Variants in RMND5A observed in about 807,000 individuals in gnomAD.
RMND5A encodes E3 ubiquitin-protein transferase RMND5A.
Under a neutral mutation model 49.7 loss-of-function variants are expected in RMND5A, and 17 were observed. That is an observed-to-expected ratio of 0.34 (90% CI 0.23 to 0.51). The LOEUF is 0.51. RMND5A is among the 20% of genes least tolerant of loss of function. The pLI, the probability that RMND5A is intolerant of heterozygous loss-of-function variation, is 0.96. For missense variants in RMND5A, 255 were observed against 471.3 expected, an observed-to-expected ratio of 0.54 and a Z score of 4.25; for synonymous variants, 156 against 167.7, an observed-to-expected ratio of 0.93 and a Z score of 0.54.
chr2:86,745,688 G>A (rs562163172), intron 2 of RMND5A, among the ~76,000 whole-genome samples: 1 of 152,246 alleles, frequency 6.6e-6, no homozygotes, highest in Admixed American at 6.5e-5. Context: ...ATAGGTAGGA[G>A]GATAATAGCT....
chr2:86,760,974 G>GTGTGTA (rs1444474429), intron 4 of RMND5A, among the ~76,000 whole-genome samples: 2 of 145,694 alleles, frequency 1.4e-5, no homozygotes, highest in Admixed American at 1.4e-4. Context: ...AAGTGTGTGT[G>GTGTGTA]TGTGTGTGTG....
At chr2:86,721,432 T>G (rs989664232) in intron 1 of RMND5A, among the ~76,000 whole-genome samples, 1 of 151,928 alleles carries the variant, frequency 6.6e-6, no homozygotes, top group African/African-American at 2.4e-5. Context: ...CATGGTTCCT[T>G]GGAAACCAGC....
At chr2:86,770,190 T>G in intron 7 of RMND5A, 65 bp downstream of exon 7, 1 of 1,112,100 alleles carries the variant, frequency 9.0e-7, no homozygotes, top group East Asian at 2.4e-5. Flanking sequence ...CATCTTTAAA[T>G]GTTCATCTTA....
At chr2:86,749,458 C>T (rs952002150) in intron 2 of RMND5A, among the ~76,000 whole-genome samples, 1 of 151,352 alleles carries the variant, frequency 6.6e-6, no homozygotes, top group Non-Finnish European at 1.5e-5. Context: ...GGCGTGATCT[C>T]GGCTCACTGC....
At chr2:86,757,516 G>A (rs1303835282) in intron 4 of RMND5A, among the ~76,000 whole-genome samples, 2 of 152,180 alleles carry the variant, frequency 1.3e-5, no homozygotes, top group East Asian at 3.8e-4. Flanking sequence ...CTCTTCCATG[G>A]TGGCAGATAG....
rs974306998 is a variant in RMND5A, at chr2:86,774,091, A to C, written c.*680A>C. 6.6e-6 allele frequency: 1 copy of C among 152,632 alleles called. No homozygotes were observed. 9.5% of individuals were successfully genotyped at this position (152,632 alleles called of 1,614,324 possible). On this transcript the variant is annotated 3_prime_UTR_variant, in exon 9 of 9. Coordinates refer to ENST00000283632, the MANE Select transcript of RMND5A (RefSeq NM_022780.4). Reference sequence around the variant, plus strand: ...GAAGTCTTCCGTTAGCATAGAGTGGAAGGAGTACTATTGTTTGGTTGGGTT... The same window carrying C: ...GAAGTCTTCCGTTAGCATAGAGTGGCAGGAGTACTATTGTTTGGTTGGGTT...
chr2:86,771,797 A>C (rs1475771716), intron 8 of RMND5A, 85 bp downstream of exon 8: 1 of 1,126,524 alleles, frequency 8.9e-7, no homozygotes, highest in East Asian at 2.4e-5. Flanking sequence ...GAGGATTAAA[A>C]AAATGTAGCT....
In RMND5A at chr2:86,728,877, C is replaced by CT. The variant is rs1464335381; in HGVS notation, c.142+8068_142+8069insT. Among the ~76,000 whole-genome samples the CT allele has an allele frequency of 4.4e-4, 66 of 149,866 alleles. No homozygotes were observed. In the South Asian group the frequency reaches 5.1e-3, roughly 11 times the overall value. ...CAAGCGATTCCCCTGCCTCAGCCCC[C>CT]GAGTAGCTGCGATTACAGGCGCATG... is the stretch of plus-strand genomic sequence containing the variant. On this transcript the variant is annotated intron_variant, in intron 1 of 8. Coordinates refer to ENST00000283632, the MANE Select transcript of RMND5A (RefSeq NM_022780.4).
chr2:86,746,173 G>A (rs1426998967), intron 2 of RMND5A, among the ~76,000 whole-genome samples: 4 of 152,206 alleles, frequency 2.6e-5, no homozygotes, highest in African/African-American at 7.2e-5. Context: ...TGTGTGTTGG[G>A]TAGAGAGGGA....
At chr2:86,762,727 C>G (rs887966800) in intron 4 of RMND5A, among the ~76,000 whole-genome samples, 31 of 35,196 alleles carry the variant, frequency 8.8e-4, no homozygotes, top group Admixed American at 2.2e-3. Context: ...TCATATATAT[C>G]ATATATATCA....
chr2:86,742,735 A>G (rs1163834277), intron 2 of RMND5A, among the ~76,000 whole-genome samples: 1 of 151,390 alleles, frequency 6.6e-6, no homozygotes, highest in Non-Finnish European at 1.5e-5. Flanking sequence ...CTCAAAGTTC[A>G]GAGAGAACCC....
intron 6 of RMND5A, among the ~76,000 whole-genome samples, 170 bp downstream of exon 6, chr2:86,766,194 G>T (rs189428810): frequency 0.01 from 1,542 of 152,318 alleles, 46 homozygotes; most frequent in Admixed American, 0.063. Flanking sequence ...TTTTAGAGAA[G>T]CAGTTTTGAA....
In RMND5A at chr2:86,773,501, G is replaced by C; in HGVS notation, c.*90G>C. 1.2e-6 allele frequency: 1 copy of C among 823,552 alleles called. No individual in the cohort carries two copies. The highest frequency in any genetic ancestry group is 2.1e-6 in the Non-Finnish European group (1 of 481,272). The allele number at this position is 823,552 out of a possible 1,614,324, so 51.0% of individuals were successfully genotyped here. A position where few individuals can be genotyped will look rare whatever the true frequency, so the allele number is the denominator to read the frequency against. On this transcript the variant is annotated 3_prime_UTR_variant, in exon 9 of 9. Transcript: ENST00000283632. ...GTTCCATATAATGCAGCTAACCAAG[G>C]ACTCCTGTGTTTCTATAAGCTAATG...
Position 86,770,039 on chromosome 2 carries a change from G to GT in RMND5A, c.872dup (p.Ala292GlyfsTer7). 6.2e-7 allele frequency: 1 copy of GT among 1,613,798 alleles called. No individual in the cohort carries two copies. The highest frequency in any genetic ancestry group is 8.5e-7 in the Non-Finnish European group (1 of 1,179,758). ...CTCTCCCAGTTTCTCAGCAGGTTGTGTGGCGCTGCCAGCTTTAATTAACAT... is the reference window on the plus strand; with the variant it reads ...CTCTCCCAGTTTCTCAGCAGGTTGTGTTGGCGCTGCCAGCTTTAATTAACAT... On this transcript the variant is annotated frameshift_variant, in exon 7 of 9. Transcript: ENST00000283632. LOFTEE classifies it high-confidence loss of function.
At chr2:86,729,125 C>T (rs533605618) in intron 1 of RMND5A, among the ~76,000 whole-genome samples, 2 of 152,342 alleles carry the variant, frequency 1.3e-5, no homozygotes, top group South Asian at 2.1e-4. Flanking sequence ...TTAAATACCA[C>T]TCTGTGTCCA....
At chr2:86,751,778 A>G (rs1463775039) in intron 2 of RMND5A, 118 bp from the exon 3 acceptor site, 3 of 862,828 alleles carry the variant, frequency 3.5e-6, no homozygotes, top group Admixed American at 3.0e-5. Flanking sequence ...TTGGGACGCT[A>G]TAAATTGCAG....
intron 4 of RMND5A, among the ~76,000 whole-genome samples, chr2:86,761,512 T>G (rs1672488270): frequency 6.6e-6 from 1 of 152,144 alleles, no homozygotes; most frequent in Non-Finnish European, 1.5e-5. Context: ...TTACATGTGC[T>G]TCAATGTTTG....
intron 4 of RMND5A, among the ~76,000 whole-genome samples, chr2:86,763,866 A>G (rs1470714126): frequency 6.6e-6 from 1 of 152,208 alleles, no homozygotes; most frequent in Non-Finnish European, 1.5e-5. Context: ...GCAAGGAACC[A>G]AGGCTTACAA....
At chr2:86,757,348 TAC>T (rs1681761468) in intron 4 of RMND5A, among the ~76,000 whole-genome samples, 1 of 152,184 alleles carries the variant, frequency 6.6e-6, no homozygotes, top group Non-Finnish European at 1.5e-5. Flanking sequence ...TCTGAGTTTG[TAC>T]AGATTTTCCC....
Sources: allele counts gnomAD v4.1 joint callset (sites outside exome capture counted in the v4.1 genomes callset), GRCh38; gene constraint gnomAD v4.1.1; transcripts MANE v1.5; gene names NCBI Gene and HGNC (gene_info 2026-07-23, HGNC 2026-07-21).